The following FAM81A variants were observed in gnomAD, a reference collection of about 807,000 sequenced individuals.
FAM81A encodes the protein protein FAM81A.
A neutral mutation model predicts 46.7 loss-of-function variants in FAM81A; 19 were observed. That is an observed-to-expected ratio of 0.41 (90% CI 0.28 to 0.60). The LOEUF (loss-of-function observed/expected upper bound fraction) is 0.60, where lower values mean the gene tolerates loss of function less well. Among genes scored for constraint, FAM81A ranks in the 20% least tolerant of loss-of-function variants. FAM81A has a pLI of 0.34. For missense variants in FAM81A, 377 were observed against 453.5 expected (o/e 0.83, Z 1.53); for synonymous variants, 183 against 152.9 (o/e 1.20, Z -1.45).
At chr15:59,482,898 A>G (rs1461470149) in intron 3 of FAM81A, among the ~76,000 whole-genome samples, 1 of 152,120 alleles carries the variant, frequency 6.6e-6, no homozygotes, top group Non-Finnish European at 1.5e-5. Flanking sequence ...GTCTTGCAAG[A>G]ATGTATTCAT....
At chr15:59,401,942 A>C (rs1596456821) in intron 1 of FAM81A, 1 of 734,306 alleles carries the variant, frequency 1.4e-6, no homozygotes, top group East Asian at 2.5e-5. Context: ...TCTTTTTCTC[A>C]TGGTAATCCA....
At chr15:59,399,164 A>G (rs1313931199) in intron 1 of FAM81A, among the ~76,000 whole-genome samples, 4 of 152,178 alleles carry the variant, frequency 2.6e-5, no homozygotes, top group African/African-American at 9.6e-5. Flanking sequence ...GTGAGACTCC[A>G]TCTCAAAACA....
At chr15:59,448,476 G>T (rs2064522588) in intron 1 of FAM81A, among the ~76,000 whole-genome samples, 1 of 152,150 alleles carries the variant, frequency 6.6e-6, no homozygotes, top group Non-Finnish European at 1.5e-5. Context: ...TCCAGGCCCT[G>T]GTTGTAGTTC....
chr15:59,424,345 C>G (rs1364092574), intron 2 of FAM81A, among the ~76,000 whole-genome samples: 3 of 152,174 alleles, frequency 2.0e-5, no homozygotes, highest in Non-Finnish European at 4.4e-5. Context: ...GTTCTTCCTT[C>G]TCTGGCCCAG....
chr15:59,426,982 A>G (rs183318306), intron 2 of FAM81A, among the ~76,000 whole-genome samples: 1 of 152,380 alleles, frequency 6.6e-6, no homozygotes, highest in Admixed American at 6.5e-5. Context: ...TTCATCTATA[A>G]GCTTTCTGAC....
chr15:59,503,148 A>C (rs901209617), intron 4 of FAM81A, among the ~76,000 whole-genome samples: 1 of 149,756 alleles, frequency 6.7e-6, no homozygotes, highest in Non-Finnish European at 1.5e-5. Context: ...AGGCTGAGGC[A>C]GGACAATCGC....
chr15:59,453,502 G>T (rs2081443978), intron 1 of FAM81A, among the ~76,000 whole-genome samples: 1 of 152,146 alleles, frequency 6.6e-6, no homozygotes, highest in Non-Finnish European at 1.5e-5. Context: ...CAACTAAGGT[G>T]GGCCCGCTGA....
At chr15:59,472,961 A>G (rs1249262123) in intron 3 of FAM81A, among the ~76,000 whole-genome samples, 1 of 152,168 alleles carries the variant, frequency 6.6e-6, no homozygotes, top group African/African-American at 2.4e-5. Flanking sequence ...AGACGCTAAA[A>G]ACTAAGCAAC....
intron 1 of FAM81A, among the ~76,000 whole-genome samples, chr15:59,453,835 T>C (rs954742680): frequency 1.3e-5 from 2 of 151,878 alleles, no homozygotes; most frequent in African/African-American, 2.4e-5. Flanking sequence ...GAATGAGAAG[T>C]GCTAGGTGAA....
At chr15:59,423,279 T>C (rs1467642785) in intron 2 of FAM81A, among the ~76,000 whole-genome samples, 2 of 152,078 alleles carry the variant, frequency 1.3e-5, no homozygotes, top group African/African-American at 4.8e-5. Context: ...TTTGTATTTT[T>C]AGTAGAGACG....
chr15:59,507,282 C>T lies in FAM81A; in HGVS notation c.483C>T (p.Asn161=), dbSNP rs752254786. The change falls in exon 5 of 9, where the codon AAC becomes AAT. Residue 161 remains asparagine, a synonymous_variant. Coordinates refer to ENST00000288228, the MANE Select transcript of FAM81A (RefSeq NM_152450.3). The stretch of plus-strand genomic sequence containing the variant: ...CCTATGAGGGGCTCCAGCACTTGAA[C>T]AAAGAACAGCAGGCTGCCAAACTTA... ...KTTYEGLQHL[N]KEQQAAKLIL... 1 of 1,612,084 alleles carries T rather than the reference C, an allele frequency of 6.2e-7. No individual in the cohort carries two copies. Among genetic ancestry groups the T allele is most frequent in the Non-Finnish European group, 8.5e-7 (1 of 1,179,116 alleles).
At chr15:59,473,683 A>G (rs1344248056) in intron 3 of FAM81A, among the ~76,000 whole-genome samples, 1 of 152,272 alleles carries the variant, frequency 6.6e-6, no homozygotes, top group Admixed American at 6.5e-5. Context: ...CGTCCCCTCC[A>G]GGTAAAAGCA....
At chr15:59,489,294 C>T (rs574084244) in intron 3 of FAM81A, among the ~76,000 whole-genome samples, 5 of 150,556 alleles carry the variant, frequency 3.3e-5, no homozygotes, top group African/African-American at 9.8e-5. Flanking sequence ...TACATACATA[C>T]ATACATACAT....
At chr15:59,444,871 G>T (rs2081337865) in intron 1 of FAM81A, among the ~76,000 whole-genome samples, 2 of 152,062 alleles carry the variant, frequency 1.3e-5, no homozygotes, top group Admixed American at 1.3e-4. Flanking sequence ...ATGCCTTGGT[G>T]GTCTTTTGTC....
intron 8 of FAM81A, 46 bp from the exon 9 acceptor site, chr15:59,521,208 T>C: frequency 6.3e-7 from 1 of 1,582,034 alleles, no homozygotes; most frequent in Non-Finnish European, 8.6e-7. Flanking sequence ...TGATACAGCA[T>C]TTTAAAAAAA....
chr15:59,462,592 T>C (rs146744814), intron 3 of FAM81A, among the ~76,000 whole-genome samples: 255 of 152,318 alleles, frequency 1.7e-3, no homozygotes, highest in African/African-American at 5.6e-3. Flanking sequence ...TGGGCAATCA[T>C]TATTACTGTC....
intron 4 of FAM81A, among the ~76,000 whole-genome samples, chr15:59,503,277 C>G (rs2082114752): frequency 6.7e-6 from 1 of 148,528 alleles, no homozygotes; most frequent in Admixed American, 6.7e-5. Context: ...CCTCTTGGCT[C>G]TGTTTTACTC....
intron 3 of FAM81A, among the ~76,000 whole-genome samples, chr15:59,491,181 A>G (rs548877844): frequency 1.3e-5 from 2 of 152,380 alleles, no homozygotes; most frequent in South Asian, 4.1e-4. Flanking sequence ...ATCAACAGGC[A>G]AATGGATAAA....
At chr15:59,480,485 GT>G (rs1231875345) in intron 3 of FAM81A, among the ~76,000 whole-genome samples, 1 of 152,086 alleles carries the variant, frequency 6.6e-6, no homozygotes, top group African/African-American at 2.4e-5. Flanking sequence ...GGGAAGGGAG[GT>G]TTTTTAAAGA....
Sources: gnomAD v4.1 joint callset for allele counts (sites outside exome capture counted in the v4.1 genomes callset) on GRCh38, gnomAD v4.1.1 for gene constraint, MANE v1.5 for transcripts, NCBI Gene and HGNC (gene_info 2026-07-23, HGNC 2026-07-21) for gene names.